The following TAFA2 variants were observed in gnomAD, a reference collection of about 807,000 sequenced individuals.
TAFA2 encodes the protein TAFA chemokine like family member 2.
TAFA2 carries 7 observed loss-of-function variants against 18.8 expected under a neutral mutation model. The ratio of observed to expected loss-of-function variants is 0.37; its 90% CI spans 0.21 to 0.70. The LOEUF is 0.70. Among genes scored for constraint, TAFA2 ranks in the 30% least tolerant of loss-of-function variants. The pLI is 0.53. For synonymous variants in TAFA2, 60 were observed against 54.2 expected (o/e 1.11, Z -0.47); for missense variants, 122 against 158.1 (o/e 0.77, Z 1.23).
rs1869193219 is a variant in TAFA2, at chr12:62,101,364, C to T, written c.-2+89895G>A. On this transcript the variant is annotated intron_variant, in intron 1 of 4. Coordinates refer to ENST00000416284, the MANE Select transcript of TAFA2 (RefSeq NM_178539.5). ...GCTAAGAACTGATACATCTCTGATC[C>T]ATAACCATGTCCAGTACGAATTTGG... Among the ~76,000 whole-genome samples, 2 of 152,128 alleles carry T rather than the reference C, an allele frequency of 1.3e-5. 1 individual carries two copies. The highest frequency in any genetic ancestry group is 4.1e-4 in the South Asian group (2 of 4,830).
chr12:61,742,818 G>A (rs7485481), intron 4 of TAFA2, among the ~76,000 whole-genome samples: 56,681 of 151,666 alleles, frequency 0.37, 10,804 homozygotes, highest in African/African-American at 0.46. Flanking sequence ...TACTTTTCAT[G>A]TTCAATTAAT....
chr12:61,779,253 A>C (rs568342378), intron 2 of TAFA2, among the ~76,000 whole-genome samples: 1 of 151,810 alleles, frequency 6.6e-6, no homozygotes, highest in Non-Finnish European at 1.5e-5. Flanking sequence ...TGAGAGACAG[A>C]GAATCCAAAG....
intron 1 of TAFA2, among the ~76,000 whole-genome samples, chr12:62,213,657 T>G (rs1441379456): frequency 7.3e-6 from 1 of 136,534 alleles, no homozygotes; most frequent in Admixed American, 7.2e-5. Flanking sequence ...AAAAAAAAAG[T>G]GTAAGTTGCC....
chr12:62,218,765 T>C (rs1247849485), intron 1 of TAFA2, among the ~76,000 whole-genome samples: 2 of 152,258 alleles, frequency 1.3e-5, no homozygotes, highest in South Asian at 2.1e-4. Flanking sequence ...TGCTTTCTCA[T>C]TGCAAGTCAC....
intron 1 of TAFA2, among the ~76,000 whole-genome samples, chr12:61,915,730 G>T (rs1182119262): frequency 6.6e-6 from 1 of 152,170 alleles, no homozygotes; most frequent in Non-Finnish European, 1.5e-5. Flanking sequence ...CTGCAGCTCT[G>T]ATGTCTGAGG....
intron 1 of TAFA2, among the ~76,000 whole-genome samples, chr12:62,101,618 A>G (rs1869206655): frequency 1.3e-5 from 2 of 152,236 alleles, no homozygotes; most frequent in Admixed American, 6.5e-5. Context: ...GCAATCCATC[A>G]GATGGCATGT....
intron 1 of TAFA2, among the ~76,000 whole-genome samples, chr12:62,025,979 C>T (rs1000291756): frequency 2.0e-5 from 3 of 152,016 alleles, no homozygotes; most frequent in African/African-American, 4.8e-5. Context: ...AAACAACCAA[C>T]CCTGTTCATT....
At chr12:61,830,709 A>C (rs886401740) in intron 2 of TAFA2, among the ~76,000 whole-genome samples, 4 of 152,152 alleles carry the variant, frequency 2.6e-5, no homozygotes, top group Middle Eastern at 3.4e-3. Context: ...TGCCACTTAA[A>C]TTTATACCAA....
At chr12:61,874,549 T>C (rs1874760151) in intron 1 of TAFA2, among the ~76,000 whole-genome samples, 1 of 152,144 alleles carries the variant, frequency 6.6e-6, no homozygotes. Flanking sequence ...GCAATTCTGG[T>C]GGGCACAAAA....
In TAFA2 at chr12:61,867,419, T is replaced by C. The variant is rs1369999659; in HGVS notation, c.7A>G (p.Lys3Glu). ...TTTGTTGCTTTCTGTAAGTATCTCT[T>C]ACTCATCCTGCAAATAAAAAAATAA... MS[K>E]RYLQKATKGK... The change falls in exon 2 of 5, where the codon AAG becomes GAG. Residue 3 changes from lysine to glutamate, a missense_variant. By Grantham distance (56) the Lys-to-Glu change is moderately conservative. Around this residue, in one of 2 missense-constraint regions of TAFA2, gnomAD observed 62 missense variants for 55.5 expected, o/e 1.12. Coordinates refer to ENST00000416284, the MANE Select transcript of TAFA2 (RefSeq NM_178539.5). 5 of 1,528,506 alleles carry C rather than the reference T, an allele frequency of 3.3e-6. No individual in the cohort carries two copies. Among genetic ancestry groups the C allele is most frequent in the African/African-American group, 1.4e-5 (1 of 72,370 alleles). 94.7% of individuals were successfully genotyped at this position (1,528,506 alleles called of 1,614,324 possible).
chr12:61,964,816 CA>C (rs748128272), intron 1 of TAFA2, among the ~76,000 whole-genome samples: 3 of 151,824 alleles, frequency 2.0e-5, no homozygotes, highest in Non-Finnish European at 4.4e-5. Context: ...GGACCCAGTC[CA>C]AAAGACATGT....
chr12:61,747,600 T>C (rs1868784982), intron 4 of TAFA2, among the ~76,000 whole-genome samples: 1 of 150,770 alleles, frequency 6.6e-6, no homozygotes, highest in Non-Finnish European at 1.5e-5. Flanking sequence ...TCATTCTCAG[T>C]AAACTATGGC....
At chr12:61,815,354 A>G (rs1324027574) in intron 2 of TAFA2, among the ~76,000 whole-genome samples, 1 of 151,490 alleles carries the variant, frequency 6.6e-6, no homozygotes, top group Non-Finnish European at 1.5e-5. Context: ...CCTATTAGAC[A>G]TTCAAAAGGA....
At chr12:62,234,774 G>A in intron 1 of TAFA2, 1 of 1,074,372 alleles carries the variant, frequency 9.3e-7, no homozygotes, top group Non-Finnish European at 1.4e-6. Flanking sequence ...TGTCTGTGGA[G>A]CAGGTCTGGG....
At chr12:61,838,068 AAATC>A (rs1873010157) in intron 2 of TAFA2, among the ~76,000 whole-genome samples, 3 of 152,142 alleles carry the variant, frequency 2.0e-5, no homozygotes, top group African/African-American at 7.2e-5. Flanking sequence ...TTAGGGGACT[AAATC>A]TAAGAGAAGA....
chr12:61,900,417 T>C (rs1310460862), intron 1 of TAFA2, among the ~76,000 whole-genome samples: 1 of 152,196 alleles, frequency 6.6e-6, no homozygotes, highest in Non-Finnish European at 1.5e-5. Flanking sequence ...TGTCAGTCCA[T>C]TATCATGCTG....
chr12:61,786,896 A>G (rs1870761213), intron 2 of TAFA2, among the ~76,000 whole-genome samples: 1 of 151,644 alleles, frequency 6.6e-6, no homozygotes, highest in South Asian at 2.1e-4. Flanking sequence ...ATAAGATGAT[A>G]CAATGAAATT....
rs149934773 is a variant in TAFA2 at position 61,992,270 on chromosome 12, T to C, written c.-1-124844A>G. 4.9e-4 allele frequency among the ~76,000 whole-genome samples: 75 copies of C among 152,328 alleles called. 1 individual carries two copies. The highest frequency in any genetic ancestry group is 1.7e-3 in the African/African-American group (69 of 41,582). ...AATGTTTGATAATTTCTCCCATACC[T>C]GCTACTACCACCATATCCCTAATTT... On this transcript the variant is annotated intron_variant, in intron 1 of 4. Coordinates refer to ENST00000416284, the MANE Select transcript of TAFA2 (RefSeq NM_178539.5).
intron 1 of TAFA2, among the ~76,000 whole-genome samples, chr12:62,090,049 A>T (rs774760396): frequency 3.9e-5 from 6 of 152,032 alleles, no homozygotes; most frequent in Non-Finnish European, 5.9e-5. Flanking sequence ...CTGCCTGAAT[A>T]TTGTGAGCCA....
Sources: allele counts gnomAD v4.1 joint callset (sites outside exome capture counted in the v4.1 genomes callset), GRCh38; gene constraint gnomAD v4.1.1; regional missense constraint gnomAD v4.1.1; transcripts MANE v1.5; gene names NCBI Gene and HGNC (gene_info 2026-07-23, HGNC 2026-07-21).